AKR1B15: variants seen among roughly 807,000 people sequenced by gnomAD.
AKR1B15 encodes aldo-keto reductase family 1 member B15, also known as estradiol 17-beta-dehydrogenase AKR1B15.
AKR1B15 carries 49 observed loss-of-function variants against 38.5 expected under a neutral mutation model. That is an observed-to-expected ratio of 1.27 (90% CI 1.01 to 1.62). AKR1B15 has a LOEUF of 1.62. Among genes scored for constraint, AKR1B15 ranks in the 40% most tolerant of loss-of-function variants. AKR1B15 has a pLI of 0.00. For synonymous variants in AKR1B15, 137 were observed against 135.5 expected, an observed-to-expected ratio of 1.01 and a Z score of -0.08; for missense variants, 411 against 381.6, an observed-to-expected ratio of 1.08 and a Z score of -0.64.
chr7:134,569,184 T>G lies in AKR1B15; in HGVS notation c.319-229T>G, dbSNP rs777086632. On this transcript the variant is annotated intron_variant, in intron 4 of 11. Transcript: ENST00000457545. ...TTACTTAAATGATCTGAGACACTTA[T>G]AGAGTACTAGGAGAGTTGAAAAAGT... Among the ~76,000 whole-genome samples the G allele has an allele frequency of 2.0e-5, 3 of 152,346 alleles. No individual in the cohort carries two copies. In the East Asian group the frequency reaches 5.8e-4, roughly 29 times the overall value.
chr7:134,573,863 A>G (rs1794711401), intron 6 of AKR1B15, among the ~76,000 whole-genome samples: 1 of 152,174 alleles, frequency 6.6e-6, no homozygotes, highest in South Asian at 2.1e-4. Context: ...AGACAAAATC[A>G]GTAAGAAACT....
In AKR1B15 at chr7:134,577,785, G is replaced by T. The variant is rs991704471; in HGVS notation, c.991G>T (p.Glu331Ter). Residue 331 changes from glutamate to a stop codon, truncating the protein, a stop_gained and splice_region_variant, in exon 11 of 12, where the codon GAA becomes TAA. Coordinates refer to ENST00000457545, the MANE Select transcript of AKR1B15 (RefSeq NM_001080538.3). LOFTEE classifies it low-confidence loss of function (END_TRUNC). ...NRNWRAFDFK[E>*]FSHLEDFPFD... Reference sequence around the variant, plus strand: ...AAACTGGAGGGCCTTTGACTTCAAGGAGTAAGTGGCATGGAGTTAACTAGA... The same window carrying T: ...AAACTGGAGGGCCTTTGACTTCAAGTAGTAAGTGGCATGGAGTTAACTAGA... 1.5e-5 allele frequency: 25 copies of T among 1,613,688 alleles called. No homozygotes were observed. Among genetic ancestry groups the T allele is most frequent in the Non-Finnish European group, 2.1e-5 (25 of 1,179,890 alleles).
chr7:134,556,550 C>T (rs562706898), intron 1 of AKR1B15, among the ~76,000 whole-genome samples, 186 bp from the exon 2 acceptor site: 177 of 152,266 alleles, frequency 1.2e-3, no homozygotes, highest in Middle Eastern at 6.8e-3. Flanking sequence ...CTTCCTTAAA[C>T]CCCTCAGTCT....
At chr7:134,569,594 A>T (rs1373891011) in intron 5 of AKR1B15, 65 bp downstream of exon 5, 16 of 1,540,480 alleles carry the variant, frequency 1.0e-5, no homozygotes, top group Non-Finnish European at 1.4e-5. Flanking sequence ...GGGACCCCCA[A>T]CAGAGAGACT....
chr7:134,561,659 A>T (rs904491807), intron 2 of AKR1B15, among the ~76,000 whole-genome samples: 1 of 152,216 alleles, frequency 6.6e-6, no homozygotes, highest in African/African-American at 2.4e-5. Context: ...TTCAAGATTC[A>T]ACCAAAGCCA....
intron 3 of AKR1B15, 139 bp from the exon 4 acceptor site, chr7:134,568,019 G>T: frequency 9.9e-7 from 1 of 1,012,392 alleles, no homozygotes. Flanking sequence ...TGGTTGCTGA[G>T]TGTGGTGTAA....
intron 10 of AKR1B15, 111 bp downstream of exon 10, chr7:134,577,157 C>T (rs1794783689): frequency 6.3e-6 from 7 of 1,117,974 alleles, no homozygotes; most frequent in Non-Finnish European, 9.2e-6. Context: ...CCCCTCCTTC[C>T]CCACCACCCT....
chr7:134,573,069 C>T (rs1794697974), intron 6 of AKR1B15, among the ~76,000 whole-genome samples: 2 of 152,204 alleles, frequency 1.3e-5, no homozygotes, highest in Non-Finnish European at 1.5e-5. Context: ...CTCACTCTGT[C>T]ACACAAGCTA....
intron 2 of AKR1B15, among the ~76,000 whole-genome samples, chr7:134,562,579 G>A (rs938219232): frequency 6.6e-6 from 1 of 152,050 alleles, no homozygotes; most frequent in Admixed American, 6.5e-5. Context: ...GCTAGCCACA[G>A]AGCACTGATT....
chr7:134,569,555 T>C, intron 5 of AKR1B15, 26 bp downstream of exon 5: 2 of 1,612,324 alleles, frequency 1.2e-6, no homozygotes. Context: ...TTTCTCAGCC[T>C]CTAGTTTCTG....
At position 134,569,505 on chromosome 7, in the gene AKR1B15, T is replaced by C. The variant is rs1212726829; in HGVS notation, c.411T>C (p.Leu137=). The change falls in exon 5 of 12, where the codon CTT becomes CTC. Residue 137 remains leucine (L), a synonymous_variant. Transcript: ENST00000457545. ...DLKLSYLDVY[L]IHWPQGFKTG... ...AGCTGAGCTATCTGGACGTCTATCT[T>C]ATTCACTGGCCACAGGGATTCAAGG... 6.2e-7 allele frequency: 1 copy of C among 1,614,104 alleles called. No homozygotes were observed. The highest frequency in any genetic ancestry group is 1.3e-5 in the African/African-American group (1 of 75,054).
chr7:134,577,671 AC>A, intron 10 of AKR1B15, 32 bp from the exon 11 acceptor site: 1 of 1,606,392 alleles, frequency 6.2e-7, no homozygotes, highest in Non-Finnish European at 8.5e-7. Flanking sequence ...TAACAGCCTT[AC>A]CGATAATGTA....
chr7:134,553,253 C>T (rs1319850640), intron 1 of AKR1B15, among the ~76,000 whole-genome samples: 1 of 152,204 alleles, frequency 6.6e-6, no homozygotes, highest in African/African-American at 2.4e-5. Flanking sequence ...CCCTGTACAC[C>T]ACTACTGGAG....
At chr7:134,551,030 T>C (rs1406631425) in intron 1 of AKR1B15, among the ~76,000 whole-genome samples, 1 of 152,196 alleles carries the variant, frequency 6.6e-6, no homozygotes, top group Non-Finnish European at 1.5e-5. Context: ...TCTGTAGCCA[T>C]TCGTGATCCT....
intron 1 of AKR1B15, among the ~76,000 whole-genome samples, chr7:134,551,564 A>G (rs1246204058): frequency 1.3e-5 from 2 of 152,220 alleles, no homozygotes; most frequent in Non-Finnish European, 2.9e-5. Context: ...TTTTAGAGAT[A>G]GCCCAGAGAG....
chr7:134,571,756 G>A, intron 6 of AKR1B15, 75 bp downstream of exon 6: 1 of 1,135,890 alleles, frequency 8.8e-7, no homozygotes, highest in Non-Finnish European at 1.3e-6. Flanking sequence ...TGATATGAAA[G>A]AGGCCATGTG....
chr7:134,571,513 AT>A, intron 5 of AKR1B15, 90 bp from the exon 6 acceptor site: 1 of 942,298 alleles, frequency 1.1e-6, no homozygotes, highest in Non-Finnish European at 1.7e-6. Flanking sequence ...CAGATGTGGT[AT>A]TTAGCAAGCA....
In AKR1B15 at chr7:134,576,344, C is replaced by T. The variant is rs762336804; in HGVS notation, c.744-5C>T. On this transcript the variant is annotated splice_region_variant and splice_polypyrimidine_tract_variant and intron_variant, in intron 8 of 11. Coordinates refer to ENST00000457545, the MANE Select transcript of AKR1B15 (RefSeq NM_001080538.3). Reference sequence around the variant, plus strand: ...TTATTCACATCAGCATCTTTCTGCCCCTAGGGCCAAACCTGAGGACCCTTC... The same window carrying T: ...TTATTCACATCAGCATCTTTCTGCCTCTAGGGCCAAACCTGAGGACCCTTC... 1.4e-5 allele frequency: 22 copies of T among 1,613,872 alleles called. No individual in the cohort carries two copies. The highest frequency in any genetic ancestry group is 2.2e-5 in the South Asian group (2 of 91,064).
chr7:134,575,455 A>T lies in AKR1B15; in HGVS notation c.549A>T (p.Lys183Asn). The T allele has an allele frequency of 6.2e-7, 1 of 1,613,884 alleles. No individual in the cohort carries two copies. Among genetic ancestry groups the T allele is most frequent in the Non-Finnish European group, 8.5e-7 (1 of 1,179,814 alleles). ...AGCTGGTGGACGAGGGGCTGGTGAA[A>T]GCCCTTGGGGTCTCAAATTTCAACC... The part of the protein sequence containing the change: ...MEELVDEGLV[K>N]ALGVSNFNHF... Residue 183 changes from lysine to asparagine, a missense_variant, in exon 7 of 12, where the codon AAA becomes AAT. This residue lies in a region of AKR1B15 where 254 missense variants were observed against 212.4 expected (regional missense o/e 1.20). Transcript: ENST00000457545.
Sources: allele counts gnomAD v4.1 joint callset (sites outside exome capture counted in the v4.1 genomes callset), GRCh38; gene constraint gnomAD v4.1.1; regional missense constraint gnomAD v4.1.1; transcripts MANE v1.5; gene names NCBI Gene and HGNC (gene_info 2026-07-23, HGNC 2026-07-21).